The following RNFT2 variants were observed in gnomAD, a reference collection of about 807,000 sequenced individuals.
The protein encoded by RNFT2 is E3 ubiquitin-protein ligase RNFT2.
RNFT2 carries 36 observed loss-of-function variants against 53.0 expected under a neutral mutation model. The ratio of observed to expected loss-of-function variants is 0.68; its 90% confidence interval spans 0.52 to 0.90. RNFT2 has a LOEUF of 0.90. Among genes scored for constraint, RNFT2 ranks in the 40% least tolerant of loss-of-function variants. RNFT2 has a pLI of 0.00. For missense variants in RNFT2, 514 were observed against 585.6 expected (o/e 0.88, Z 1.26); for synonymous variants, 260 against 253.2 (o/e 1.03, Z -0.26).
In RNFT2 at chr12:116,750,079, C is replaced by G. The variant is rs955788983; in HGVS notation, c.322C>G (p.His108Asp). The change falls in exon 4 of 11, where the codon CAC becomes GAC. Residue 108 changes from histidine to aspartate, a missense_variant. Coordinates refer to ENST00000257575, the MANE Select transcript of RNFT2 (RefSeq NM_001382266.1). ...GGGCCGGGGCGAGGGGGGCGCCTAC[C>G]ACCACCGCCAGCCCCACCACCATTT... ...GGGRGEGGAY[H>D]HRQPHHHFHH... The G allele has an allele frequency of 4.5e-6, 7 of 1,546,418 alleles. No homozygotes were observed. The highest frequency in any genetic ancestry group is 5.2e-6 in the Non-Finnish European group (6 of 1,149,950).
At chr12:116,809,807 G>A (rs976967301) in intron 7 of RNFT2, among the ~76,000 whole-genome samples, 1 of 152,012 alleles carries the variant, frequency 6.6e-6, no homozygotes, top group Non-Finnish European at 1.5e-5. Context: ...TGAGTAGCTG[G>A]GACTACAGGC....
chr12:116,832,148 A>ATATATATATATATATATATATATATATAT (rs56674314), intron 7 of RNFT2, among the ~76,000 whole-genome samples: 1 of 55,176 alleles, frequency 1.8e-5, no homozygotes, highest in African/African-American at 7.0e-5. Flanking sequence ...AAAAAAAAAA[A>ATATATATATATATATATATATATATATAT]ATATATATAT....
chr12:116,842,771 G>A (rs143307928), intron 10 of RNFT2, among the ~76,000 whole-genome samples: 4,243 of 152,100 alleles, frequency 0.028, 115 homozygotes, highest in Non-Finnish European at 0.036. Flanking sequence ...ACGGGGTTTC[G>A]CCATGTTAGC....
chr12:116,807,961 C>T (rs1875165564), intron 7 of RNFT2, among the ~76,000 whole-genome samples: 1 of 152,094 alleles, frequency 6.6e-6, no homozygotes. Context: ...GCACCACACT[C>T]AGCTAATTTT....
intron 3 of RNFT2, among the ~76,000 whole-genome samples, chr12:116,744,181 A>C (rs1871781432): frequency 6.8e-6 from 1 of 147,154 alleles, no homozygotes; most frequent in Non-Finnish European, 1.5e-5. Context: ...AGCAGAGATC[A>C]TGCGACTGCA....
chr12:116,772,094 AT>A (rs11313609), intron 6 of RNFT2, among the ~76,000 whole-genome samples: 144,391 of 151,800 alleles, frequency 0.95, 68,721 homozygotes, highest in African/African-American at 0.98. Context: ...AGTATCTCAG[AT>A]TTTTTTTTAT....
At chr12:116,739,388 T>G (rs530856900) in intron 1 of RNFT2, among the ~76,000 whole-genome samples, 3 of 152,210 alleles carry the variant, frequency 2.0e-5, no homozygotes, top group Non-Finnish European at 2.9e-5. Context: ...TCCTGGATGC[T>G]GAGGCAGAGG....
At chr12:116,758,162 T>C (rs925874755) in intron 5 of RNFT2, among the ~76,000 whole-genome samples, 2 of 152,248 alleles carry the variant, frequency 1.3e-5, no homozygotes, top group Non-Finnish European at 2.9e-5. Flanking sequence ...GCTTTTGGTG[T>C]CCATTTGCAT....
intron 10 of RNFT2, among the ~76,000 whole-genome samples, chr12:116,836,827 A>G: frequency 6.6e-6 from 1 of 152,022 alleles, no homozygotes; most frequent in East Asian, 1.9e-4. Flanking sequence ...CTACTCTGGA[A>G]GCTGAGGCAG....
chr12:116,852,193 C>A lies in RNFT2; in HGVS notation c.*2745C>A. 8.2e-7 allele frequency: 1 copy of A among 1,217,350 alleles called. No individual in the cohort carries two copies. Among genetic ancestry groups the A allele is most frequent in the Non-Finnish European group, 1.1e-6 (1 of 937,348 alleles). The allele number at this position is 1,217,350 out of a possible 1,614,324, so 75.4% of individuals were successfully genotyped here. On this transcript the variant is annotated 3_prime_UTR_variant, in exon 11 of 11. Coordinates refer to ENST00000257575, the MANE Select transcript of RNFT2 (RefSeq NM_001382266.1). ...TTATTGTCAACCTCAGCACAACAGGCTGGCGCCAATGGCATTACAGAGAAA... is the reference window on the plus strand; with the variant it reads ...TTATTGTCAACCTCAGCACAACAGGATGGCGCCAATGGCATTACAGAGAAA...
intron 6 of RNFT2, among the ~76,000 whole-genome samples, chr12:116,771,498 C>T (rs11614883): frequency 0.34 from 4,339 of 12,740 alleles, 701 homozygotes; most frequent in Non-Finnish European, 0.51. Flanking sequence ...AAAAAAAATA[C>T]GTATATGAGC....
intron 7 of RNFT2, among the ~76,000 whole-genome samples, chr12:116,809,187 GTTCATTCATTCATTCATTCA>G (rs10527732): frequency 6.6e-6 from 1 of 150,836 alleles, no homozygotes; most frequent in African/African-American, 2.4e-5. Context: ...AGCTGAGTTT[GTTCATTCATTCATTCATTCA>G]TTCATTCATT....
At chr12:116,816,043 T>G (rs1294044135) in intron 7 of RNFT2, among the ~76,000 whole-genome samples, 2 of 152,198 alleles carry the variant, frequency 1.3e-5, no homozygotes, top group Non-Finnish European at 2.9e-5. Context: ...CCCAGAGCAT[T>G]TGTGCTTAAG....
intron 5 of RNFT2, among the ~76,000 whole-genome samples, chr12:116,762,041 C>T (rs1452785902): frequency 7.3e-6 from 1 of 136,476 alleles, no homozygotes; most frequent in Non-Finnish European, 1.5e-5. Context: ...CCCTCCAACC[C>T]GGGTGACAGA....
chr12:116,825,032 A>G (rs114374110), intron 7 of RNFT2, among the ~76,000 whole-genome samples: 3 of 152,236 alleles, frequency 2.0e-5, no homozygotes, highest in East Asian at 3.9e-4. Context: ...TCTCCTCCCC[A>G]TGATATCTGC....
chr12:116,789,899 GTGGATGGATGGTAGA>G (rs1874146422), intron 7 of RNFT2, among the ~76,000 whole-genome samples: 2 of 148,130 alleles, frequency 1.4e-5, no homozygotes, highest in Admixed American at 1.3e-4. Context: ...AGAGTGGTGG[GTGGATGGATGGTAGA>G]TGGATGGATG....
intron 5 of RNFT2, among the ~76,000 whole-genome samples, chr12:116,761,516 A>G (rs1872691171): frequency 6.6e-6 from 1 of 152,114 alleles, no homozygotes; most frequent in Non-Finnish European, 1.5e-5. Flanking sequence ...GTGGACATAG[A>G]GCTTCACCAC....
chr12:116,782,721 G>A (rs758148878), intron 7 of RNFT2, among the ~76,000 whole-genome samples: 5 of 151,882 alleles, frequency 3.3e-5, no homozygotes, highest in Non-Finnish European at 5.9e-5. Context: ...CCTGGGAAGC[G>A]GGCACTGTTA....
chr12:116,845,408 T>TA (rs1261995532), intron 10 of RNFT2, among the ~76,000 whole-genome samples: 2 of 151,834 alleles, frequency 1.3e-5, no homozygotes, highest in South Asian at 2.1e-4. Context: ...GATCAGTACT[T>TA]ACATTTGCAG....
Sources: gnomAD v4.1 joint callset for allele counts (sites outside exome capture counted in the v4.1 genomes callset) on GRCh38, gnomAD v4.1.1 for gene constraint, MANE v1.5 for transcripts, NCBI Gene and HGNC (gene_info 2026-07-23, HGNC 2026-07-21) for gene names.